SRL: variants seen among roughly 807,000 people sequenced by gnomAD.
SRL encodes sarcalumenin.
Under a neutral mutation model 39.5 loss-of-function variants are expected in SRL, and 23 were observed. The ratio of observed to expected loss-of-function variants is 0.58; its 90% confidence interval spans 0.42 to 0.82. The LOEUF is 0.82. Among genes scored for constraint, SRL ranks in the 40% least tolerant of loss-of-function variants. SRL has a pLI of 0.00. For missense variants in SRL, 592 were observed against 607.8 expected, an observed-to-expected ratio of 0.97 and a Z score of 0.27; for synonymous variants, 272 against 237.4, an observed-to-expected ratio of 1.15 and a Z score of -1.34.
intron 1 of SRL, among the ~76,000 whole-genome samples, chr16:4,205,496 G>A (rs1306570467): frequency 1.3e-5 from 2 of 152,214 alleles, no homozygotes; most frequent in African/African-American, 4.8e-5. Flanking sequence ...TGAAAGCTAA[G>A]TGCGGCTCAG....
intron 1 of SRL, among the ~76,000 whole-genome samples, chr16:4,218,320 C>A (rs1322796782): frequency 6.6e-6 from 1 of 152,170 alleles, no homozygotes; most frequent in African/African-American, 2.4e-5. Flanking sequence ...GAAGCCCTTT[C>A]CGAAGGCAGA....
chr16:4,197,655 G>A lies in SRL; in HGVS notation c.376+144C>T, dbSNP rs1457534343. The stretch of plus-strand genomic sequence containing the variant: ...TTGGCCAGGCTGGTCTCAAACTGAC[G>A]GCCTCAAGTGATCCACTGCCTTGGC... On this transcript the variant is annotated intron_variant, in intron 4 of 5. Coordinates refer to ENST00000399609, the MANE Select transcript of SRL (RefSeq NM_001098814.2). 26 of 652,822 alleles carry A rather than the reference G, an allele frequency of 4.0e-5. 1 individual carries two copies. Among genetic ancestry groups the A allele is most frequent in the South Asian group, 1.3e-4 (7 of 54,098 alleles). 40.4% of individuals were successfully genotyped at this position (652,822 alleles called of 1,614,324 possible).
chr16:4,203,993 C>G lies in SRL; in HGVS notation c.163+540G>C, dbSNP rs185662957. The stretch of plus-strand genomic sequence containing the variant: ...TAAGAGTTAGCTCCCTGCTGGGAGC[C>G]CACAGTGGGAAGGCCTATGGGGTGA... On this transcript the variant is annotated intron_variant, in intron 2 of 5. Transcript: ENST00000399609. Among the ~76,000 whole-genome samples, 8 of 152,298 alleles carry G rather than the reference C, an allele frequency of 5.3e-5. No individual in the cohort carries two copies. In the South Asian group the frequency reaches 1.4e-3, roughly 28 times the overall value.
chr16:4,197,856 A>G lies in SRL; in HGVS notation c.319T>C (p.Ser107Pro), dbSNP rs1376275558. 5.0e-6 allele frequency: 8 copies of G among 1,614,056 alleles called. No homozygotes were observed. The East Asian group carries it at 1.1e-4, about 22-fold the overall frequency. ...LFLGPWSVGK[S>P]TMINYLLGLE... is the part of the protein sequence containing the mutation. ...CCAAGGAGGTAGTTTATCATGGTAG[A>G]TTTACCAACACTCCACGGTCCCAGG... The change falls in exon 4 of 6, where the codon TCT becomes CCT. Residue 107 changes from serine to proline, a missense_variant. Transcript: ENST00000399609.
chr16:4,220,701 G>T (rs2052517296), intron 1 of SRL, among the ~76,000 whole-genome samples: 1 of 152,154 alleles, frequency 6.6e-6, no homozygotes, highest in African/African-American at 2.4e-5. Context: ...CTGAGAGCCT[G>T]GGCTCTCTGC....
rs77545585 is a variant in SRL, at chr16:4,242,001, C to A, written c.61+6G>T. ...CTGGGCTGGGTCATGCTGGGAGGGG[C>A]CCTACCTGCTTGTCCTGAGAACAGG... On this transcript the variant is annotated splice_donor_region_variant and intron_variant, in intron 1 of 5. Transcript: ENST00000399609. 0.23 allele frequency: 364,802 copies of A among 1,612,876 alleles called. 42,754 individuals carry two copies. The highest frequency in any genetic ancestry group is 0.25 in the Admixed American group (15,060 of 59,934).
At chr16:4,233,426 G>C (rs1410677930) in intron 1 of SRL, among the ~76,000 whole-genome samples, 1 of 152,170 alleles carries the variant, frequency 6.6e-6, no homozygotes, top group African/African-American at 2.4e-5. Flanking sequence ...CAAAGGCACA[G>C]CTTCCACCCT....
intron 1 of SRL, among the ~76,000 whole-genome samples, chr16:4,222,970 C>T (rs914269340): frequency 6.6e-6 from 1 of 152,110 alleles, no homozygotes; most frequent in Non-Finnish European, 1.5e-5. Context: ...TGGCTCATGC[C>T]TGTAATCCCA....
At chr16:4,229,515 G>T (rs573262811) in intron 1 of SRL, among the ~76,000 whole-genome samples, 4 of 152,018 alleles carry the variant, frequency 2.6e-5, no homozygotes, top group African/African-American at 9.7e-5. Context: ...TATCCCAAGC[G>T]AATTAAGGCA....
chr16:4,211,118 A>G (rs6500590), intron 1 of SRL, among the ~76,000 whole-genome samples: 84,484 of 151,726 alleles, frequency 0.56, 24,524 homozygotes, highest in African/African-American at 0.71. Flanking sequence ...CTTTCTCTGC[A>G]GTTTTGATTT....
intron 1 of SRL, among the ~76,000 whole-genome samples, chr16:4,212,402 G>A (rs1213598405): frequency 2.0e-5 from 3 of 152,144 alleles, no homozygotes; most frequent in South Asian, 4.1e-4. Flanking sequence ...AGAGGTGTGG[G>A]AGCCTCCGAT....
At chr16:4,204,249 T>C (rs1390482208) in intron 2 of SRL, among the ~76,000 whole-genome samples, 2 of 152,238 alleles carry the variant, frequency 1.3e-5, no homozygotes, top group Non-Finnish European at 2.9e-5. Flanking sequence ...GGGGCTGCAC[T>C]GGCTTCGCCC....
In SRL at chr16:4,241,961, G is replaced by C. The variant is rs551529870; in HGVS notation, c.61+46C>G. On this transcript the variant is annotated intron_variant, in intron 1 of 5. Transcript: ENST00000399609. ...TGGTAGACAGAAAACCTTGGAGGAA[G>C]CGTGGGGGACCAGTCTGGGCTGGGT... The C allele has an allele frequency of 2.3e-5, 37 of 1,607,688 alleles. No homozygotes were observed. The South Asian group carries it at 4.1e-4, about 18-fold the overall frequency.
At chr16:4,228,734 C>CAAAA (rs371756722) in intron 1 of SRL, among the ~76,000 whole-genome samples, 6 of 136,108 alleles carry the variant, frequency 4.4e-5, no homozygotes, top group African/African-American at 1.4e-4. Flanking sequence ...GACTCCGTCT[C>CAAAA]AAAAAAAAAA....
At chr16:4,195,895 T>G in intron 4 of SRL, 109 bp from the exon 5 acceptor site, 1 of 868,920 alleles carries the variant, frequency 1.2e-6, no homozygotes, top group Non-Finnish European at 1.8e-6. Context: ...GCAACAGAAT[T>G]GGATATGTTT....
chr16:4,211,101 T>A (rs982436077), intron 1 of SRL, among the ~76,000 whole-genome samples: 1 of 152,114 alleles, frequency 6.6e-6, no homozygotes, highest in African/African-American at 2.4e-5. Context: ...CTTGGTCCCA[T>A]GCTTCCCTTT....
chr16:4,215,127 A>T (rs1168566987), intron 1 of SRL, among the ~76,000 whole-genome samples: 1 of 152,172 alleles, frequency 6.6e-6, no homozygotes, highest in Non-Finnish European at 1.5e-5. Context: ...GCCCATAAGG[A>T]CCCGAGAAGA....
chr16:4,210,170 C>A (rs549321131), intron 1 of SRL, among the ~76,000 whole-genome samples: 1 of 152,306 alleles, frequency 6.6e-6, no homozygotes, highest in South Asian at 2.1e-4. Context: ...GGACAGGGAG[C>A]TGACTGTTGC....
intron 1 of SRL, among the ~76,000 whole-genome samples, chr16:4,231,634 T>A (rs1047526957): frequency 3.3e-5 from 5 of 152,176 alleles, no homozygotes; most frequent in Non-Finnish European, 7.3e-5. Flanking sequence ...TGGTTCTCTA[T>A]TCATGTCATG....
Sources: allele counts gnomAD v4.1 joint callset (sites outside exome capture counted in the v4.1 genomes callset), GRCh38; gene constraint gnomAD v4.1.1; transcripts MANE v1.5; gene names NCBI Gene and HGNC (gene_info 2026-07-23, HGNC 2026-07-21).